TNRC6A: variants seen among roughly 807,000 people sequenced by gnomAD.
The protein encoded by TNRC6A is trinucleotide repeat containing adaptor 6A, also known as trinucleotide repeat-containing gene 6A protein.
In TNRC6A, 44 loss-of-function variants were observed where a neutral mutation model predicts 221.2. The observed-to-expected ratio is 0.20, with a 90% CI of 0.16 to 0.26. TNRC6A has a LOEUF of 0.26. Among genes scored for constraint, TNRC6A ranks in the 10% least tolerant of loss-of-function variants. The pLI is 1.00. For missense variants in TNRC6A, 2,199 were observed against 2,404.4 expected (o/e 0.91, Z 1.79); for synonymous variants, 847 against 838.5 (o/e 1.01, Z -0.18).
At chr16:24,765,889 G>A (rs2057461793) in intron 4 of TNRC6A, among the ~76,000 whole-genome samples, 1 of 152,120 alleles carries the variant, frequency 6.6e-6, no homozygotes, top group African/African-American at 2.4e-5. Flanking sequence ...TACTCAGGGA[G>A]GCTATGAAGA....
chr16:24,641,031 G>C (rs1216642815), intron 2 of TNRC6A: 1 of 152,192 alleles, frequency 6.6e-6, no homozygotes, highest in Non-Finnish European at 1.5e-5. Context: ...CACACTGGGG[G>C]CCATGGGTCA....
chr16:24,689,313 G>A (rs2055703145), intron 2 of TNRC6A, among the ~76,000 whole-genome samples: 1 of 152,178 alleles, frequency 6.6e-6, no homozygotes, highest in African/African-American at 2.4e-5. Context: ...TTTAGGAAGA[G>A]CCCTCTGGTG....
In TNRC6A at chr16:24,790,936, C is replaced by T; in HGVS notation, c.2294C>T (p.Ala765Val). The T allele has an allele frequency of 6.2e-7, 1 of 1,613,378 alleles. No homozygotes were observed. Among genetic ancestry groups the T allele is most frequent in the Non-Finnish European group, 8.5e-7 (1 of 1,179,696 alleles). Reference sequence around the variant, plus strand: ...GCAACACAGACTTTTAACTCAGGGGCATGTATAGATAAGACTAGCCCTAAT... The same window carrying T: ...GCAACACAGACTTTTAACTCAGGGGTATGTATAGATAAGACTAGCCCTAAT... ...SSATQTFNSG[A>V]CIDKTSPNGN... The change falls in exon 6 of 25, where the codon GCA (alanine) becomes GTA (valine). Residue 765 changes from alanine to valine, a missense_variant. Ala to Val is a moderately conservative substitution (Grantham distance 64). Coordinates refer to ENST00000395799, the MANE Select transcript of TNRC6A (RefSeq NM_014494.4).
chr16:24,627,697 C>CTTTTTTTTTTTTTTTTTTT (rs57520356), intron 1 of TNRC6A, among the ~76,000 whole-genome samples: 1 of 101,784 alleles, frequency 9.8e-6, no homozygotes. Context: ...TCTTTTCTTG[C>CTTTTTTTTTTTTTTTTTTT]TTTTTTTTTT....
intron 2 of TNRC6A, among the ~76,000 whole-genome samples, chr16:24,736,504 C>T (rs755778321): frequency 3.9e-5 from 6 of 152,260 alleles, no homozygotes; most frequent in Non-Finnish European, 8.8e-5. Context: ...TCTGAAGTTT[C>T]TCTTACATTA....
At chr16:24,685,394 T>G (rs2142084297) in intron 2 of TNRC6A, among the ~76,000 whole-genome samples, 1 of 152,256 alleles carries the variant, frequency 6.6e-6, no homozygotes, top group East Asian at 1.9e-4. Context: ...TGGAGTACAG[T>G]GGCACCATCT....
At chr16:24,687,054 T>C (rs151001713) in intron 2 of TNRC6A, among the ~76,000 whole-genome samples, 294 of 152,306 alleles carry the variant, frequency 1.9e-3, no homozygotes, top group Non-Finnish European at 3.3e-3. Flanking sequence ...TTTTGAGGTT[T>C]AAATAAGTGA....
chr16:24,624,525 C>T (rs1037512706), intron 1 of TNRC6A, among the ~76,000 whole-genome samples: 5 of 152,182 alleles, frequency 3.3e-5, no homozygotes, highest in African/African-American at 1.2e-4. Flanking sequence ...GTTGCCCAGG[C>T]TGGAATGCAC....
intron 18 of TNRC6A, among the ~76,000 whole-genome samples, chr16:24,810,235 T>C (rs1230900554): frequency 6.6e-6 from 1 of 152,230 alleles, no homozygotes; most frequent in East Asian, 1.9e-4. Flanking sequence ...TTTTTAGAAA[T>C]GCCGTTTTCA....
At chr16:24,674,744 G>A (rs1048596107) in intron 2 of TNRC6A, among the ~76,000 whole-genome samples, 1 of 148,762 alleles carries the variant, frequency 6.7e-6, no homozygotes, top group Non-Finnish European at 1.5e-5. Context: ...ACACATCTTT[G>A]TCTAAGTCTG....
At chr16:24,635,462 T>C (rs547963365) in intron 1 of TNRC6A, among the ~76,000 whole-genome samples, 45 of 152,162 alleles carry the variant, frequency 3.0e-4, no homozygotes, top group Non-Finnish European at 5.6e-4. Flanking sequence ...TTTGTATTTT[T>C]AGTACAGACA....
At chr16:24,698,898 C>T (rs1432634551) in intron 2 of TNRC6A, among the ~76,000 whole-genome samples, 2 of 152,026 alleles carry the variant, frequency 1.3e-5, no homozygotes, top group African/African-American at 4.8e-5. Flanking sequence ...TTAGTAGAGA[C>T]GGGGTTTCAC....
intron 20 of TNRC6A, 87 bp from the exon 21 acceptor site, chr16:24,818,506 T>C: frequency 1.0e-6 from 1 of 997,126 alleles, no homozygotes; most frequent in Admixed American, 1.9e-5. Flanking sequence ...GGCATACTGT[T>C]AGCTTTGATT....
At position 24,824,609 on chromosome 16, in the gene TNRC6A, A is replaced by G. The variant is rs1270953756; in HGVS notation, c.*802A>G. ...AAAAAAAAATGTTTACTCTTCCATC[A>G]TTTAAAAAAAATGTAAAAGACAAAA... On this transcript the variant is annotated 3_prime_UTR_variant, in exon 25 of 25. Transcript: ENST00000395799. The G allele has an allele frequency of 2.7e-5, 4 of 148,122 alleles. No homozygotes were observed. The highest frequency in any genetic ancestry group is 6.7e-5 in the Admixed American group (1 of 14,854). 9.2% of individuals were successfully genotyped at this position (148,122 alleles called of 1,614,324 possible).
chr16:24,674,117 C>T (rs554456210), intron 2 of TNRC6A, among the ~76,000 whole-genome samples: 16 of 152,202 alleles, frequency 1.1e-4, no homozygotes, highest in African/African-American at 3.6e-4. Flanking sequence ...GTCGCCCAGG[C>T]TGGAATACGG....
chr16:24,775,601 T>C (rs2057702562), intron 4 of TNRC6A, among the ~76,000 whole-genome samples: 1 of 152,210 alleles, frequency 6.6e-6, no homozygotes, highest in Admixed American at 6.5e-5. Flanking sequence ...ATATATATTG[T>C]AGGCATTTGA....
At chr16:24,616,325 CAAAAAAA>C (rs397855433) in intron 1 of TNRC6A, among the ~76,000 whole-genome samples, 1 of 74,110 alleles carries the variant, frequency 1.3e-5, no homozygotes, top group Admixed American at 1.5e-4. Flanking sequence ...GATGCTGTCT[CAAAAAAA>C]AAAAAAAAAA....
At chr16:24,705,482 C>A (rs903187856) in intron 2 of TNRC6A, among the ~76,000 whole-genome samples, 1 of 152,156 alleles carries the variant, frequency 6.6e-6, no homozygotes, top group Non-Finnish European at 1.5e-5. Flanking sequence ...CAGGCACATG[C>A]CACCATGCCC....
intron 2 of TNRC6A, among the ~76,000 whole-genome samples, chr16:24,678,032 G>A (rs890120499): frequency 3.3e-5 from 5 of 152,108 alleles, no homozygotes; most frequent in Admixed American, 3.3e-4. Context: ...ATATGGGGCT[G>A]AGCGCAGTGA....
Sources: allele counts gnomAD v4.1 joint callset (sites outside exome capture counted in the v4.1 genomes callset), GRCh38; gene constraint gnomAD v4.1.1; transcripts MANE v1.5; gene names NCBI Gene and HGNC (gene_info 2026-07-23, HGNC 2026-07-21).